Variants in SPATC1L observed in about 807,000 individuals in gnomAD.
SPATC1L encodes spermatogenesis and centriole associated 1 like, also known as speriolin-like protein.
In SPATC1L, 20 loss-of-function variants were observed where a neutral mutation model predicts 21.2. That is an observed-to-expected ratio of 0.94 (90% CI 0.66 to 1.37). The LOEUF (loss-of-function observed/expected upper bound fraction) is 1.37. SPATC1L is among the 40% of genes most tolerant of loss of function. The probability of loss-of-function intolerance (pLI) is 0.00; values close to 1 mark genes in which losing one functional copy is unlikely to be tolerated. For missense variants in SPATC1L, 499 were observed against 478.7 expected (o/e 1.04, Z -0.40); for synonymous variants, 290 against 234.5 (o/e 1.24, Z -2.16).
intron 2 of SPATC1L, among the ~76,000 whole-genome samples, chr21:46,180,699 A>G (rs1281326251): frequency 6.6e-6 from 1 of 152,152 alleles, no homozygotes; most frequent in African/African-American, 2.4e-5. Flanking sequence ...TGAGGCCCAG[A>G]GCATTAAGGG....
intron 2 of SPATC1L, among the ~76,000 whole-genome samples, chr21:46,180,115 C>A (rs2079661173): frequency 6.6e-6 from 1 of 152,254 alleles, no homozygotes; most frequent in Non-Finnish European, 1.5e-5. Flanking sequence ...CGCAGGCCAC[C>A]CACGGCGGCG....
chr21:46,180,214 C>G (rs2079662149), intron 2 of SPATC1L, among the ~76,000 whole-genome samples: 1 of 152,222 alleles, frequency 6.6e-6, no homozygotes, highest in African/African-American at 2.4e-5. Flanking sequence ...CCGGGGAGAT[C>G]TGCAGATAAG....
At chr21:46,174,350 A>AAAAAAAAAAAAAAAAAAAAC (rs2079616339) in intron 2 of SPATC1L, among the ~76,000 whole-genome samples, 1 of 148,160 alleles carries the variant, frequency 6.7e-6, no homozygotes, top group South Asian at 2.3e-4. Context: ...AAAACAAAAA[A>AAAAAAAAAAAAAAAAAAAAC]AAAAAAAAAA....
intron 4 of SPATC1L, 31 bp from the exon 5 acceptor site, chr21:46,161,736 G>A (rs774931524): frequency 6.5e-6 from 10 of 1,544,064 alleles, no homozygotes; most frequent in African/African-American, 1.4e-5. Flanking sequence ...TGGGGGTGGG[G>A]GGCTCGGGGC....
intron 3 of SPATC1L, among the ~76,000 whole-genome samples, chr21:46,163,243 C>T (rs529644438): frequency 1.4e-4 from 21 of 152,304 alleles, no homozygotes; most frequent in East Asian, 7.7e-4. Flanking sequence ...CCATTTCAAA[C>T]GCACAATTTA....
chr21:46,171,396 T>C (rs2079588921), intron 2 of SPATC1L, among the ~76,000 whole-genome samples: 1 of 145,048 alleles, frequency 6.9e-6, no homozygotes, highest in Non-Finnish European at 1.5e-5. Context: ...GCCACTGCAA[T>C]CCAGCCTGGG....
At chr21:46,180,183 G>A (rs1025041615) in intron 2 of SPATC1L, among the ~76,000 whole-genome samples, 1 of 152,256 alleles carries the variant, frequency 6.6e-6, no homozygotes, top group Non-Finnish European at 1.5e-5. Context: ...CCCCACAGAA[G>A]GAGCCCAGTG....
At chr21:46,174,091 G>A (rs1438236352) in intron 2 of SPATC1L, among the ~76,000 whole-genome samples, 1 of 152,172 alleles carries the variant, frequency 6.6e-6, no homozygotes, top group Non-Finnish European at 1.5e-5. Flanking sequence ...ACTTTGAGAG[G>A]CTGAAGCAGG....
chr21:46,180,125 G>A (rs780004790), intron 2 of SPATC1L, among the ~76,000 whole-genome samples: 8 of 152,254 alleles, frequency 5.3e-5, no homozygotes, highest in South Asian at 2.1e-4. Flanking sequence ...CCACGGCGGC[G>A]GCGTCCACGG....
At chr21:46,179,406 A>C (rs1357658792) in intron 2 of SPATC1L, among the ~76,000 whole-genome samples, 1 of 152,184 alleles carries the variant, frequency 6.6e-6, no homozygotes, top group Non-Finnish European at 1.5e-5. Flanking sequence ...ACACACCAAA[A>C]AAAGAAATCC....
intron 3 of SPATC1L, 61 bp downstream of exon 3, chr21:46,168,247 C>G: frequency 8.1e-7 from 1 of 1,232,656 alleles, no homozygotes; most frequent in Non-Finnish European, 1.1e-6. Flanking sequence ...CAGTCATGCC[C>G]TCCCCACAGC....
chr21:46,161,649 C>T lies in SPATC1L; in HGVS notation c.753G>A (p.Thr251=), dbSNP rs1381160366. 16 of 1,609,398 alleles carry T rather than the reference C, an allele frequency of 9.9e-6. No homozygotes were observed. The highest frequency in any genetic ancestry group is 1.3e-5 in the Non-Finnish European group (15 of 1,178,594). The change falls in exon 5 of 5, where the codon ACG becomes ACA. Residue 251 remains threonine, a synonymous_variant. Transcript: ENST00000291672. The part of the protein sequence containing the change: ...SVDERKLREL[T]QRYLALSARL... ...GCGCGCTCAGGGCCAGGTAGCGCTG[C>T]GTCAGCTCGCGCAGCTTCCTCTCGT...
In SPATC1L at chr21:46,181,415, G is replaced by A. The variant is rs1481054154; in HGVS notation, c.193+1209C>T. ...AGCTCCCTGCGAGGAGCCCCTGCCT[G>A]TCACCAGAGACCAAAGGTGTGGGGA... On this transcript the variant is annotated intron_variant, in intron 2 of 4. Coordinates refer to ENST00000291672, the MANE Select transcript of SPATC1L (RefSeq NM_001142854.2). Among the ~76,000 whole-genome samples the A allele has an allele frequency of 2.6e-5, 4 of 152,312 alleles. No homozygotes were observed. In the South Asian group the frequency reaches 6.2e-4, roughly 24 times the overall value.
In SPATC1L at chr21:46,182,894, A is replaced by G; in HGVS notation, c.-78T>C. The G allele has an allele frequency of 7.2e-7, 1 of 1,391,218 alleles. No homozygotes were observed. The highest frequency in any genetic ancestry group is 9.5e-7 in the Non-Finnish European group (1 of 1,053,962). 86.2% of individuals were successfully genotyped at this position (1,391,218 alleles called of 1,614,324 possible). Reference sequence around the variant, plus strand: ...GGAGCCCAGAGCCCGCAGGCACCACAGAAACAGCCCAGGCACGGAGTTCCG... The same window carrying G: ...GGAGCCCAGAGCCCGCAGGCACCACGGAAACAGCCCAGGCACGGAGTTCCG... On this transcript the variant is annotated 5_prime_UTR_variant, in exon 2 of 5. Coordinates refer to ENST00000291672, the MANE Select transcript of SPATC1L (RefSeq NM_001142854.2).
chr21:46,166,009 A>G (rs1877424579), intron 3 of SPATC1L, among the ~76,000 whole-genome samples: 1 of 152,210 alleles, frequency 6.6e-6, no homozygotes, highest in Non-Finnish European at 1.5e-5. Context: ...AGGAGGGAAG[A>G]CCACAAAACA....
intron 2 of SPATC1L, among the ~76,000 whole-genome samples, chr21:46,174,247 T>C (rs1335892369): frequency 1.3e-5 from 2 of 150,814 alleles, no homozygotes; most frequent in Non-Finnish European, 2.9e-5. Flanking sequence ...GAGAATCACT[T>C]GAACCTAGGA....
chr21:46,164,794 G>GAAAAAAAAAAAAAAA (rs72042671), intron 3 of SPATC1L, among the ~76,000 whole-genome samples: 3 of 86,470 alleles, frequency 3.5e-5, no homozygotes, highest in African/African-American at 1.1e-4. Flanking sequence ...TCCATCTCAA[G>GAAAAAAAAAAAAAAA]AAAAAAAAAA....
At chr21:46,179,712 G>C (rs1016111820) in intron 2 of SPATC1L, among the ~76,000 whole-genome samples, 1 of 152,174 alleles carries the variant, frequency 6.6e-6, no homozygotes, top group Non-Finnish European at 1.5e-5. Context: ...AATCTGGGGG[G>C]GCCTGGCTGT....
chr21:46,165,473 G>A (rs75147350), intron 3 of SPATC1L, among the ~76,000 whole-genome samples: 11,395 of 143,606 alleles, frequency 0.079, 1,140 homozygotes, highest in African/African-American at 0.2. Context: ...TAACCTCTGT[G>A]TTGTACCCTC....
Sources: allele counts gnomAD v4.1 joint callset (sites outside exome capture counted in the v4.1 genomes callset), GRCh38; gene constraint gnomAD v4.1.1; transcripts MANE v1.5; gene names NCBI Gene and HGNC (gene_info 2026-07-23, HGNC 2026-07-21).